Variants in STPG2 observed in about 807,000 individuals in gnomAD.
The protein encoded by STPG2 is sperm tail PG-rich repeat containing 2, also known as sperm-tail PG-rich repeat-containing protein 2.
STPG2 carries 56 observed loss-of-function variants against 54.2 expected under a neutral mutation model. That is an observed-to-expected ratio of 1.03 (90% CI 0.83 to 1.29). The LOEUF is 1.29. Ranked by LOEUF, STPG2 falls within the 50% of genes most tolerant of loss-of-function variation. The probability of loss-of-function intolerance (pLI) is 0.00; values close to 1 mark genes in which losing one functional copy is unlikely to be tolerated. For missense variants in STPG2, 596 were observed against 544.9 expected (o/e 1.09, Z -0.93); for synonymous variants, 200 against 181.8 (o/e 1.10, Z -0.81).
chr4:97,634,286 C>G (rs1721419774), intron 10 of STPG2, among the ~76,000 whole-genome samples: 1 of 152,080 alleles, frequency 6.6e-6, no homozygotes. Context: ...AGGGTCCTGT[C>G]TGTTAGAAGG....
chr4:98,044,617 G>A (rs1011108347), intron 5 of STPG2, among the ~76,000 whole-genome samples: 6 of 152,102 alleles, frequency 3.9e-5, no homozygotes, highest in Non-Finnish European at 8.8e-5. Context: ...CAACCATGCC[G>A]CCAGTCCATT....
At chr4:97,569,650 T>C (rs975697990) in intron 10 of STPG2, among the ~76,000 whole-genome samples, 4 of 152,152 alleles carry the variant, frequency 2.6e-5, no homozygotes, top group African/African-American at 7.2e-5. Flanking sequence ...CTCTTCTTTA[T>C]AGTAAATAGC....
chr4:97,559,984 C>T (rs1732182494), intron 10 of STPG2, among the ~76,000 whole-genome samples: 1 of 152,180 alleles, frequency 6.6e-6, no homozygotes, highest in Non-Finnish European at 1.5e-5. Flanking sequence ...CTCCACAAGT[C>T]TCAATCTTTT....
chr4:98,034,646 T>A (rs1307792058), intron 5 of STPG2, among the ~76,000 whole-genome samples: 1 of 151,940 alleles, frequency 6.6e-6, no homozygotes. Context: ...GACAAGACAA[T>A]CCTAAGCAAA....
chr4:97,566,137 A>G (rs953504432), intron 10 of STPG2, among the ~76,000 whole-genome samples: 1 of 152,178 alleles, frequency 6.6e-6, no homozygotes, highest in African/African-American at 2.4e-5. Context: ...AGCCTGGGCA[A>G]TGGCGGGTGC....
intron 8 of STPG2, among the ~76,000 whole-genome samples, chr4:97,904,111 G>A (rs1731296299): frequency 6.6e-6 from 1 of 152,204 alleles, no homozygotes; most frequent in Non-Finnish European, 1.5e-5. Flanking sequence ...GCTGAAGGAG[G>A]CCTGCCTGCC....
At chr4:97,555,150 T>C (rs1205751175), downstream of STPG2, among the ~76,000 whole-genome samples, 2 of 152,216 alleles carry the variant, frequency 1.3e-5, no homozygotes, top group Admixed American at 6.5e-5. Context: ...TCTGGCATGC[T>C]TGTCTTAACC....
At chr4:97,793,520 G>T (rs2149082616) in intron 9 of STPG2, among the ~76,000 whole-genome samples, 1 of 151,950 alleles carries the variant, frequency 6.6e-6, no homozygotes, top group South Asian at 2.1e-4. Context: ...GTACAGCTTT[G>T]AATGAATGAG....
intron 4 of STPG2, among the ~76,000 whole-genome samples, chr4:97,484,494 T>C (rs1029544971): frequency 6.6e-6 from 1 of 151,510 alleles, no homozygotes; most frequent in African/African-American, 2.4e-5. Context: ...AAAATACAAT[T>C]CTCCTAGCTT....
intron 4 of STPG2, among the ~76,000 whole-genome samples, chr4:98,107,699 G>T (rs1282094810): frequency 6.6e-6 from 1 of 151,892 alleles, no homozygotes; most frequent in Non-Finnish European, 1.5e-5. Context: ...ATCACAGAAT[G>T]ATATACATTT....
chr4:97,800,032 T>C (rs942267352), intron 9 of STPG2, among the ~76,000 whole-genome samples: 1 of 152,252 alleles, frequency 6.6e-6, no homozygotes, highest in Non-Finnish European at 1.5e-5. Context: ...TTCAGTTCCA[T>C]CAGGTCATTT....
intron 3 of STPG2, among the ~76,000 whole-genome samples, chr4:98,118,928 T>C (rs577718161): frequency 1.3e-5 from 2 of 152,114 alleles, no homozygotes; most frequent in African/African-American, 4.8e-5. Flanking sequence ...CACAAATCCA[T>C]ACTGATATAA....
At chr4:97,804,695 A>T (rs991317778) in intron 9 of STPG2, among the ~76,000 whole-genome samples, 1 of 152,232 alleles carries the variant, frequency 6.6e-6, no homozygotes, top group African/African-American at 2.4e-5. Context: ...CATTCACTCA[A>T]CATGCACTCA....
At position 97,456,912 on chromosome 4, in the gene STPG2, TA is replaced by T. The variant is rs1166086887; in HGVS notation, c.462+255786del. ...GTCTCAAAAAAAAAAAAAAGAAAATTAAAAAAAAAAAAAAGATGGGTAAAAT... is the reference window on the plus strand; with the variant it reads ...GTCTCAAAAAAAAAAAAAAGAAAATTAAAAAAAAAAAAAGATGGGTAAAAT... On this transcript the variant is annotated intron_variant, in intron 4 of 4. Coordinates refer to the STPG2 transcript ENST00000522676. 6.4e-3 allele frequency among the ~76,000 whole-genome samples: 621 copies of T among 97,110 alleles called. 1 individual carries two copies. Among genetic ancestry groups the T allele is most frequent in the Non-Finnish European group, 7.5e-3 (403 of 53,724 alleles). 63.7% of individuals were successfully genotyped at this position (97,110 alleles called of 152,430 possible).
chr4:97,765,234 A>C (rs536277534), intron 9 of STPG2, among the ~76,000 whole-genome samples: 2 of 152,312 alleles, frequency 1.3e-5, no homozygotes, highest in Admixed American at 1.3e-4. Context: ...CATTCTACTC[A>C]GAACTGCTCA....
chr4:97,987,031 A>C (rs1734851856), intron 5 of STPG2, among the ~76,000 whole-genome samples: 1 of 152,238 alleles, frequency 6.6e-6, no homozygotes, highest in Non-Finnish European at 1.5e-5. Context: ...TCATTAAGAA[A>C]GTATCTATAG....
intron 4 of STPG2, among the ~76,000 whole-genome samples, chr4:97,529,226 T>C (rs983020504): frequency 6.6e-6 from 1 of 152,218 alleles, no homozygotes; most frequent in African/African-American, 2.4e-5. Context: ...CTTTTCTGCA[T>C]CTATGGAGAT....
At chr4:97,510,805 A>G (rs576132359) in intron 4 of STPG2, among the ~76,000 whole-genome samples, 2 of 152,280 alleles carry the variant, frequency 1.3e-5, no homozygotes, top group East Asian at 3.9e-4. Flanking sequence ...AATATATAGC[A>G]ATATATAATT....
intron 5 of STPG2, among the ~76,000 whole-genome samples, chr4:98,061,547 C>T (rs1183947999): frequency 6.6e-6 from 1 of 151,846 alleles, no homozygotes; most frequent in Non-Finnish European, 1.5e-5. Flanking sequence ...TACAGTTTAG[C>T]ATTATATTTG....
Sources: allele counts gnomAD v4.1 joint callset (sites outside exome capture counted in the v4.1 genomes callset), GRCh38; gene constraint gnomAD v4.1.1; transcripts MANE v1.5; gene names NCBI Gene and HGNC (gene_info 2026-07-23, HGNC 2026-07-21).